Variants in SLC7A2 observed in about 807,000 individuals in gnomAD.
SLC7A2 encodes the protein cationic amino acid transporter 2.
Under a neutral mutation model 58.9 loss-of-function variants are expected in SLC7A2, and 48 were observed. The observed-to-expected ratio is 0.82, with a 90% CI of 0.65 to 1.04. SLC7A2 has a LOEUF of 1.04. Among genes scored for constraint, SLC7A2 ranks in the 50% least tolerant of loss-of-function variants. The pLI, the probability that SLC7A2 is intolerant of heterozygous loss-of-function variation, is 0.00. For synonymous variants in SLC7A2, 363 were observed against 314.5 expected, an observed-to-expected ratio of 1.15 and a Z score of -1.63; for missense variants, 1,029 against 818.8, an observed-to-expected ratio of 1.26 and a Z score of -3.13.
At chr8:17,507,357 G>C (rs201462672) in intron 2 of SLC7A2, among the ~76,000 whole-genome samples, 2 of 150,438 alleles carry the variant, frequency 1.3e-5, no homozygotes, top group Non-Finnish European at 3.0e-5. Flanking sequence ...CTATTTAAAT[G>C]TGTGTGTGTG....
intron 2 of SLC7A2, among the ~76,000 whole-genome samples, chr8:17,507,367 G>A (rs1018114431): frequency 6.6e-6 from 1 of 152,088 alleles, no homozygotes; most frequent in Non-Finnish European, 1.5e-5. Context: ...GTGTGTGTGT[G>A]TGTGCATTAT....
intron 2 of SLC7A2, among the ~76,000 whole-genome samples, chr8:17,538,617 A>G (rs972001890): frequency 1.3e-5 from 2 of 152,262 alleles, no homozygotes; most frequent in Non-Finnish European, 2.9e-5. Context: ...TCTTTACTAA[A>G]TTATTTAACC....
intron 4 of SLC7A2, among the ~76,000 whole-genome samples, chr8:17,547,783 A>AT (rs1802243684): frequency 1.1e-5 from 1 of 87,932 alleles, no homozygotes; most frequent in Non-Finnish European, 2.4e-5. Flanking sequence ...CTGGCACAAA[A>AT]GAGTGTGTGT....
At chr8:17,539,030 G>A (rs569456490) in intron 2 of SLC7A2, 3 of 954,026 alleles carry the variant, frequency 3.1e-6, no homozygotes, top group Admixed American at 2.2e-5. Flanking sequence ...GTGACTCAAT[G>A]CAACTTCAAA....
At chr8:17,556,639 C>T (rs952005938) in intron 8 of SLC7A2, among the ~76,000 whole-genome samples, 8 of 151,308 alleles carry the variant, frequency 5.3e-5, no homozygotes, top group African/African-American at 1.9e-4. Context: ...GATAGGGTGT[C>T]ACTCTGTCAC....
At position 17,538,825 on chromosome 8, in the gene SLC7A2, A is replaced by G. The variant is rs752033559; in HGVS notation, c.-22-4493A>G. The stretch of plus-strand genomic sequence containing the variant: ...TCTCACCACGAAACTAGCAACTGGA[A>G]TGAAGATAGAAACAAGTGGTTATAA... On this transcript the variant is annotated intron_variant, in intron 2 of 12. Coordinates refer to ENST00000494857, the MANE Select transcript of SLC7A2 (RefSeq NM_001370338.1). 3.7e-6 allele frequency: 6 copies of G among 1,613,692 alleles called. No homozygotes were observed. The African/African-American group carries it at 6.7e-5, about 18-fold the overall frequency.
At chr8:17,496,137 A>G (rs1185862481), upstream of SLC7A2, among the ~76,000 whole-genome samples, 1 of 152,190 alleles carries the variant, frequency 6.6e-6, no homozygotes, top group Admixed American at 6.5e-5. Context: ...TCAAACAAAA[A>G]TAGTAATAGG....
intron 2 of SLC7A2, among the ~76,000 whole-genome samples, chr8:17,523,990 G>T (rs1016315728): frequency 3.9e-4 from 59 of 152,006 alleles, no homozygotes; most frequent in Non-Finnish European, 7.5e-4. Flanking sequence ...TGGCCAACAA[G>T]CATATGGAAA....
intron 4 of SLC7A2, among the ~76,000 whole-genome samples, chr8:17,545,569 T>A (rs1802130765): frequency 6.6e-6 from 1 of 152,040 alleles, no homozygotes; most frequent in Non-Finnish European, 1.5e-5. Context: ...GGCTGATTTT[T>A]GTATTTTTAG....
chr8:17,509,273 T>C (rs1800498759), intron 2 of SLC7A2, among the ~76,000 whole-genome samples: 1 of 152,164 alleles, frequency 6.6e-6, no homozygotes, highest in Non-Finnish European at 1.5e-5. Context: ...GGAAGAAAAG[T>C]GCTCATTTTA....
chr8:17,555,748 G>A (rs1168595850), intron 8 of SLC7A2, among the ~76,000 whole-genome samples: 1 of 152,076 alleles, frequency 6.6e-6, no homozygotes, highest in Non-Finnish European at 1.5e-5. Context: ...AGAAAATCCA[G>A]ATTGCTAGTC....
intron 2 of SLC7A2, among the ~76,000 whole-genome samples, chr8:17,514,182 A>G (rs1023499272): frequency 6.6e-6 from 1 of 152,104 alleles, no homozygotes; most frequent in Non-Finnish European, 1.5e-5. Flanking sequence ...GATCCAGGTA[A>G]GTAACAGACA....
At chr8:17,507,763 T>A (rs925873378) in intron 2 of SLC7A2, among the ~76,000 whole-genome samples, 1 of 152,306 alleles carries the variant, frequency 6.6e-6, no homozygotes, top group African/African-American at 2.4e-5. Context: ...GCCCTAAAGA[T>A]TTCATGATGA....
chr8:17,554,973 C>G (rs1802623697), intron 8 of SLC7A2: 3 of 1,613,974 alleles, frequency 1.9e-6, no homozygotes, highest in Non-Finnish European at 1.7e-6. Flanking sequence ...TTCCTTTACC[C>G]CGAATTCTGT....
chr8:17,513,556 A>G (rs1458582681), intron 2 of SLC7A2, among the ~76,000 whole-genome samples: 2 of 152,218 alleles, frequency 1.3e-5, no homozygotes, highest in Non-Finnish European at 2.9e-5. Context: ...AGTAAAGCTT[A>G]TCACAGGATC....
chr8:17,538,332 C>G (rs1459584627), intron 2 of SLC7A2, among the ~76,000 whole-genome samples: 2 of 152,132 alleles, frequency 1.3e-5, no homozygotes, highest in Admixed American at 6.6e-5. Flanking sequence ...ATTCAGAAGA[C>G]TTGATTTGGA....
At chr8:17,544,645 C>T (rs769326122) in intron 4 of SLC7A2, 39 bp downstream of exon 4, 4 of 1,577,524 alleles carry the variant, frequency 2.5e-6, no homozygotes, top group African/African-American at 2.7e-5. Context: ...GAATGAGCCA[C>T]ACTATTTGTC....
intron 4 of SLC7A2, among the ~76,000 whole-genome samples, chr8:17,546,267 T>C (rs1277757633): frequency 2.0e-5 from 3 of 152,226 alleles, no homozygotes; most frequent in African/African-American, 2.4e-5. Flanking sequence ...ACAGCAAGAC[T>C]CAGGTCTTGG....
Position 17,497,465 on chromosome 8 carries a change from C to T in SLC7A2, c.-69+228C>T, listed in dbSNP as rs555518661. On this transcript the variant is annotated intron_variant, in intron 1 of 12. Transcript: ENST00000494857. ...CGTGGGCTGGGGCTGAAGCCGTGGACCTTCGTCCTCGGGGCTGCGCCCCGG... is the reference window on the plus strand; with the variant it reads ...CGTGGGCTGGGGCTGAAGCCGTGGATCTTCGTCCTCGGGGCTGCGCCCCGG... Among the ~76,000 whole-genome samples, 23 of 152,298 alleles carry T rather than the reference C, an allele frequency of 1.5e-4. No individual in the cohort carries two copies. In the South Asian group the frequency reaches 4.8e-3, roughly 32 times the overall value.
Sources: allele counts gnomAD v4.1 joint callset (sites outside exome capture counted in the v4.1 genomes callset), GRCh38; gene constraint gnomAD v4.1.1; transcripts MANE v1.5; gene names NCBI Gene and HGNC (gene_info 2026-07-23, HGNC 2026-07-21).